Variants in RMDN2 observed in about 807,000 individuals in gnomAD.
The protein encoded by RMDN2 is regulator of microtubule dynamics 2.
A neutral mutation model predicts 52.8 loss-of-function variants in RMDN2; 61 were observed. That is an observed-to-expected ratio of 1.16 (90% CI 0.94 to 1.43). The LOEUF is 1.43. Among genes scored for constraint, RMDN2 ranks in the 40% most tolerant of loss-of-function variants. The pLI is 0.00. For synonymous variants in RMDN2, 180 were observed against 153.1 expected, an observed-to-expected ratio of 1.18 and a Z score of -1.30; for missense variants, 592 against 475.3, an observed-to-expected ratio of 1.25 and a Z score of -2.28.
At chr2:37,934,579 G>A (rs931440667) in intron 2 of RMDN2, among the ~76,000 whole-genome samples, 2 of 151,450 alleles carry the variant, frequency 1.3e-5, no homozygotes, top group Non-Finnish European at 2.9e-5. Context: ...TTGTCACTCC[G>A]AGGCAGAATC....
chr2:38,050,604 T>C (rs1443002679), intron 10 of RMDN2, among the ~76,000 whole-genome samples: 2 of 152,126 alleles, frequency 1.3e-5, no homozygotes, highest in South Asian at 2.1e-4. Flanking sequence ...CAGTTTCCAA[T>C]AGAGCTCCTA....
intron 2 of RMDN2, chr2:37,951,853 C>T: frequency 6.2e-7 from 1 of 1,613,608 alleles, no homozygotes; most frequent in Non-Finnish European, 8.5e-7. Context: ...CAAAGCACAT[C>T]ATCCTTCTTT....
chr2:38,063,361 A>C (rs1009528194), intron 10 of RMDN2, among the ~76,000 whole-genome samples: 16 of 152,150 alleles, frequency 1.1e-4, no homozygotes, highest in African/African-American at 3.9e-4. Flanking sequence ...CATTTCTCTG[A>C]TGGCCAGTGA....
intron 10 of RMDN2, among the ~76,000 whole-genome samples, chr2:38,061,666 C>CACACATATAT (rs1682058901): frequency 6.6e-6 from 1 of 151,842 alleles, no homozygotes; most frequent in African/African-American, 2.4e-5. Context: ...CACACATATA[C>CACACATATAT]CACTTATAAT....
intron 8 of RMDN2, among the ~76,000 whole-genome samples, chr2:37,998,541 A>G (rs1254436891): frequency 6.6e-6 from 1 of 152,080 alleles, no homozygotes; most frequent in Non-Finnish European, 1.5e-5. Context: ...TAATAATAAT[A>G]AACGTCTTGT....
intron 10 of RMDN2, 84 bp downstream of exon 10, chr2:38,004,300 T>A (rs954573202): frequency 8.9e-6 from 8 of 899,292 alleles, no homozygotes; most frequent in African/African-American, 1.7e-5. Context: ...TTAGATACAT[T>A]TGTAGTTTTC....
intron 10 of RMDN2, chr2:38,029,519 C>G (rs1221769024): frequency 6.6e-6 from 1 of 151,802 alleles, no homozygotes; most frequent in Non-Finnish European, 1.5e-5. Context: ...CTTTGTATCT[C>G]CTGCCTGGCA....
chr2:37,964,135 A>T (rs866186694), intron 2 of RMDN2, among the ~76,000 whole-genome samples: 167 of 150,836 alleles, frequency 1.1e-3, no homozygotes, highest in African/African-American at 3.8e-3. Context: ...CTCACTTCTC[A>T]GACGGGGCGC....
Position 37,953,373 on chromosome 2 carries a change from A to G in RMDN2, c.453-20667A>G, listed in dbSNP as rs149292444. ...TACTCTCTCTCCCTAGCCCTTGTCA[A>G]CCATCACTCTACTTTATGTCTATGA... On this transcript the variant is annotated intron_variant, in intron 2 of 10. Transcript: ENST00000354545. Among the ~76,000 whole-genome samples, 910 of 152,090 alleles carry G rather than the reference A, an allele frequency of 6.0e-3. 11 individuals carry two copies. Among genetic ancestry groups the G allele is most frequent in the African/African-American group, 0.021 (852 of 41,536 alleles).
intron 2 of RMDN2, chr2:37,950,422 G>T (rs1308789987): frequency 6.2e-7 from 1 of 1,605,884 alleles, no homozygotes; most frequent in African/African-American, 1.3e-5. Context: ...AGATTCTAGA[G>T]TCTGCTGTCA....
intron 8 of RMDN2, 46 bp from the exon 9 acceptor site, chr2:38,003,945 T>C (rs1676702873): frequency 7.1e-7 from 1 of 1,403,424 alleles, no homozygotes; most frequent in Non-Finnish European, 1.0e-6. Flanking sequence ...GTTACTGTTA[T>C]TTTAATATTG....
intron 2 of RMDN2, among the ~76,000 whole-genome samples, chr2:37,965,107 A>G (rs762456845): frequency 2.0e-5 from 3 of 152,072 alleles, no homozygotes; most frequent in Non-Finnish European, 2.9e-5. Flanking sequence ...TATTCAACAT[A>G]TGTGTGTTTT....
At chr2:38,054,302 G>A (rs572936508) in intron 10 of RMDN2, among the ~76,000 whole-genome samples, 1 of 152,312 alleles carries the variant, frequency 6.6e-6, no homozygotes, top group East Asian at 1.9e-4. Flanking sequence ...AAAGATGAAT[G>A]CTTTGGAAAG....
chr2:37,949,419 C>T (rs1047927583), intron 2 of RMDN2, among the ~76,000 whole-genome samples: 4 of 152,150 alleles, frequency 2.6e-5, no homozygotes, highest in African/African-American at 9.7e-5. Flanking sequence ...GGGCCCTCTG[C>T]ATTGCCCCTG....
downstream of RMDN2, among the ~76,000 whole-genome samples, chr2:38,019,033 C>T (rs976691542): frequency 6.6e-6 from 1 of 152,214 alleles, no homozygotes; most frequent in African/African-American, 2.4e-5. Context: ...TCTCACTTTG[C>T]TCTGACAACT....
At chr2:38,013,309 T>C (rs1678268204) in intron 10 of RMDN2, among the ~76,000 whole-genome samples, 1 of 152,356 alleles carries the variant, frequency 6.6e-6, no homozygotes, top group Admixed American at 6.5e-5. Flanking sequence ...TGTTGTATGA[T>C]AAGAGGTGCT....
At chr2:38,036,943 T>C (rs1384961126) in intron 10 of RMDN2, among the ~76,000 whole-genome samples, 1 of 152,202 alleles carries the variant, frequency 6.6e-6, no homozygotes, top group Non-Finnish European at 1.5e-5. Context: ...CTTTATTGTC[T>C]ATTTCCGGGA....
intron 6 of RMDN2, among the ~76,000 whole-genome samples, chr2:37,990,078 G>A (rs975982216): frequency 2.0e-5 from 3 of 150,872 alleles, no homozygotes; most frequent in African/African-American, 7.3e-5. Context: ...GGGGGGCGGA[G>A]CTTGCAGTGA....
At chr2:37,930,915 G>T (rs939278659) in intron 2 of RMDN2, among the ~76,000 whole-genome samples, 3 of 152,122 alleles carry the variant, frequency 2.0e-5, no homozygotes, top group Non-Finnish European at 4.4e-5. Flanking sequence ...CAGTGGGCAG[G>T]CAGCGCATGG....
Sources: gnomAD v4.1 joint callset for allele counts (sites outside exome capture counted in the v4.1 genomes callset) on GRCh38, gnomAD v4.1.1 for gene constraint, MANE v1.5 for transcripts, NCBI Gene and HGNC (gene_info 2026-07-23, HGNC 2026-07-21) for gene names.